Variants in OLFM2 observed in about 807,000 individuals in gnomAD.
OLFM2 encodes noelin-2.
In OLFM2, 20 loss-of-function variants were observed where a neutral mutation model predicts 43.9. The observed-to-expected ratio is 0.46, with a 90% CI of 0.32 to 0.66. OLFM2 has a LOEUF of 0.66. OLFM2 is among the 30% of genes least tolerant of loss of function. The probability of loss-of-function intolerance (pLI) is 0.04; values close to 1 mark genes in which losing one functional copy is unlikely to be tolerated. For synonymous variants in OLFM2, 268 were observed against 278.6 expected (o/e 0.96, Z 0.38); for missense variants, 416 against 643.6 (o/e 0.65, Z 3.83).
chr19:9,914,777 C>CA (rs2046861896), intron 1 of OLFM2, among the ~76,000 whole-genome samples: 2 of 152,008 alleles, frequency 1.3e-5, no homozygotes, highest in South Asian at 4.1e-4. Flanking sequence ...CGGAGAGGAG[C>CA]GCCGGGCTAG....
intron 1 of OLFM2, among the ~76,000 whole-genome samples, chr19:9,866,919 C>G (rs1483723162): frequency 2.0e-5 from 3 of 152,156 alleles, no homozygotes; most frequent in African/African-American, 7.2e-5. Flanking sequence ...TGGCTGAAAT[C>G]TTACAAACAC....
intron 1 of OLFM2, among the ~76,000 whole-genome samples, chr19:9,910,322 T>C (rs1395335189): frequency 6.6e-6 from 1 of 152,162 alleles, no homozygotes; most frequent in Non-Finnish European, 1.5e-5. Flanking sequence ...CCCAGATATG[T>C]TTGACTCAAA....
At position 9,920,412 on chromosome 19, in the gene OLFM2, T is replaced by C. The variant is rs540202824; in HGVS notation, c.63+15892A>G. Among the ~76,000 whole-genome samples the C allele has an allele frequency of 4.6e-5, 7 of 152,286 alleles. No individual in the cohort carries two copies. In the East Asian group the frequency reaches 1.4e-3, roughly 29 times the overall value. On this transcript the variant is annotated intron_variant, in intron 1 of 5. Coordinates refer to ENST00000264833, the MANE Select transcript of OLFM2 (RefSeq NM_058164.4). ...TTCCTTGCTTGCATCACCCTGGTCC[T>C]GGCAATGATGTACCCACGGTCAGAA...
At chr19:9,900,685 G>A (rs2046724037) in intron 1 of OLFM2, among the ~76,000 whole-genome samples, 1 of 151,566 alleles carries the variant, frequency 6.6e-6, no homozygotes, top group South Asian at 2.1e-4. Flanking sequence ...GAACCTAGGA[G>A]TTTGAGACCC....
At chr19:9,921,415 A>G (rs2086419006) in intron 1 of OLFM2, among the ~76,000 whole-genome samples, 1 of 152,180 alleles carries the variant, frequency 6.6e-6, no homozygotes, top group African/African-American at 2.4e-5. Context: ...CACTGCACCC[A>G]GCTAGGCAAA....
intron 1 of OLFM2, among the ~76,000 whole-genome samples, chr19:9,887,310 C>T (rs1175173501): frequency 1.3e-5 from 2 of 151,876 alleles, no homozygotes; most frequent in Non-Finnish European, 2.9e-5. Flanking sequence ...TCCCGAGTAG[C>T]TGGGATTACA....
At chr19:9,881,817 C>G (rs913008696) in intron 1 of OLFM2, among the ~76,000 whole-genome samples, 1 of 152,088 alleles carries the variant, frequency 6.6e-6, no homozygotes, top group Non-Finnish European at 1.5e-5. Context: ...TTTTCTTATA[C>G]AGACATGAGT....
intron 1 of OLFM2, chr19:9,913,501 C>T: frequency 1.8e-6 from 2 of 1,140,132 alleles, no homozygotes; most frequent in Non-Finnish European, 2.2e-6. Flanking sequence ...CAGAGGCGCC[C>T]GCACGGGACA....
At chr19:9,930,670 C>A (rs963416377) in intron 1 of OLFM2, among the ~76,000 whole-genome samples, 3 of 150,704 alleles carry the variant, frequency 2.0e-5, no homozygotes, top group African/African-American at 7.4e-5. Context: ...CGTGGTGAAA[C>A]CCTGTCTCTA....
chr19:9,900,945 G>GGGAAGGAA (rs762692609), intron 1 of OLFM2, among the ~76,000 whole-genome samples: 1,187 of 18,912 alleles, frequency 0.063, 202 homozygotes, highest in Admixed American at 0.12. Flanking sequence ...GGGAGGGAAG[G>GGGAAGGAA]GGAAGGAAGG....
At chr19:9,870,918 G>A (rs963012584) in intron 1 of OLFM2, among the ~76,000 whole-genome samples, 1 of 151,966 alleles carries the variant, frequency 6.6e-6, no homozygotes, top group Non-Finnish European at 1.5e-5. Flanking sequence ...CATGTCTGTG[G>A]TTTACAGTGG....
At chr19:9,934,765 C>T (rs1402343987) in intron 1 of OLFM2, among the ~76,000 whole-genome samples, 1 of 152,106 alleles carries the variant, frequency 6.6e-6, no homozygotes, top group Non-Finnish European at 1.5e-5. Context: ...TGCTGAGATG[C>T]GTGGGGAAAT....
At chr19:9,858,018 C>T (rs1324782015) in intron 2 of OLFM2, 157 bp from the exon 3 acceptor site, 34 of 870,958 alleles carry the variant, frequency 3.9e-5, no homozygotes, top group Middle Eastern at 3.2e-4. Flanking sequence ...CTCCCAATTG[C>T]GTGCCCAATC....
At chr19:9,918,743 CTAAG>C (rs557463139) in intron 1 of OLFM2, among the ~76,000 whole-genome samples, 61 of 152,222 alleles carry the variant, frequency 4.0e-4, no homozygotes, top group African/African-American at 1.4e-3. Flanking sequence ...AAACATTTTG[CTAAG>C]TAAAAGGAGC....
intron 1 of OLFM2, among the ~76,000 whole-genome samples, chr19:9,873,995 TACA>T (rs1457735316): frequency 2.0e-5 from 3 of 152,056 alleles, no homozygotes; most frequent in Admixed American, 6.6e-5. Context: ...ACAGAAAAGT[TACA>T]ACAATAATAC....
chr19:9,902,685 C>A (rs1014875826), intron 1 of OLFM2, among the ~76,000 whole-genome samples: 4 of 151,524 alleles, frequency 2.6e-5, no homozygotes, highest in African/African-American at 9.7e-5. Context: ...GAGTTCAAGA[C>A]CAGGTGGGAG....
chr19:9,882,528 ACTCCGT>A (rs1015581978), intron 1 of OLFM2, among the ~76,000 whole-genome samples: 91 of 80,148 alleles, frequency 1.1e-3, no homozygotes, highest in African/African-American at 3.4e-3. Context: ...ACAGAGTGAG[ACTCCGT>A]CTCAAAAAAA....
intron 1 of OLFM2, among the ~76,000 whole-genome samples, chr19:9,928,689 C>T (rs776398972): frequency 6.6e-6 from 1 of 151,934 alleles, no homozygotes; most frequent in African/African-American, 2.4e-5. Context: ...CCTGTAGTCC[C>T]AGCTACTTGG....
At chr19:9,904,635 T>C (rs935152312) in intron 1 of OLFM2, among the ~76,000 whole-genome samples, 1 of 151,826 alleles carries the variant, frequency 6.6e-6, no homozygotes, top group African/African-American at 2.4e-5. Flanking sequence ...AGGGGCCTGG[T>C]AGGACTAGAG....
Sources: gnomAD v4.1 joint callset for allele counts (sites outside exome capture counted in the v4.1 genomes callset) on GRCh38, gnomAD v4.1.1 for gene constraint, MANE v1.5 for transcripts, NCBI Gene and HGNC (gene_info 2026-07-23, HGNC 2026-07-21) for gene names.